Variants in ODAD2 observed in about 807,000 individuals in gnomAD.
The protein encoded by ODAD2 is outer dynein arm docking complex subunit 2.
ODAD2 carries 89 observed loss-of-function variants against 106.8 expected under a neutral mutation model. The observed-to-expected ratio is 0.83, with a 90% confidence interval of 0.70 to 0.99. ODAD2 has a LOEUF of 0.99. Ranked by LOEUF, ODAD2 falls within the 50% of genes least tolerant of loss-of-function variation. The pLI, the probability that ODAD2 is intolerant of heterozygous loss-of-function variation, is 0.00. For missense variants in ODAD2, 1,168 were observed against 1,238.5 expected (o/e 0.94, Z 0.85); for synonymous variants, 404 against 436.2 (o/e 0.93, Z 0.92).
intron 19 of ODAD2, among the ~76,000 whole-genome samples, chr10:27,842,948 A>G (rs1469883633): frequency 1.3e-5 from 2 of 152,200 alleles, no homozygotes; most frequent in African/African-American, 4.8e-5. Flanking sequence ...TAGCAGCACT[A>G]TTTTTAATAG....
chr10:27,960,343 T>G (rs1347562293), intron 10 of ODAD2, among the ~76,000 whole-genome samples: 2 of 147,100 alleles, frequency 1.4e-5, no homozygotes, highest in East Asian at 3.9e-4. Context: ...TTATTATTAT[T>G]ATTATTATTA....
intron 19 of ODAD2, among the ~76,000 whole-genome samples, chr10:27,822,906 T>A (rs1212661469): frequency 6.6e-6 from 1 of 152,216 alleles, no homozygotes; most frequent in Non-Finnish European, 1.5e-5. Context: ...CTTCCATGTT[T>A]CTTCACGAAC....
At chr10:27,820,577 CT>C (rs1232060740) in intron 19 of ODAD2, among the ~76,000 whole-genome samples, 22 of 151,990 alleles carry the variant, frequency 1.4e-4, no homozygotes, top group Admixed American at 9.8e-4. Context: ...AGCAGGTACC[CT>C]TTTTATGACT....
chr10:27,896,991 G>A (rs569884467), intron 17 of ODAD2, among the ~76,000 whole-genome samples: 1 of 152,098 alleles, frequency 6.6e-6, no homozygotes, highest in Admixed American at 6.5e-5. Flanking sequence ...AGTGGAAATG[G>A]CTACAACCAC....
chr10:27,845,051 G>A (rs1050130734), intron 19 of ODAD2, among the ~76,000 whole-genome samples: 2 of 152,170 alleles, frequency 1.3e-5, no homozygotes, highest in African/African-American at 4.8e-5. Flanking sequence ...TCAAATTCAG[G>A]AAATACAGAG....
chr10:27,904,150 G>T, intron 17 of ODAD2: 1 of 208,366 alleles, frequency 4.8e-6, no homozygotes, highest in Non-Finnish European at 1.0e-5. Flanking sequence ...TATCAGCTCT[G>T]TAAGCATAAA....
chr10:27,971,708 T>G (rs1166352274), intron 7 of ODAD2, among the ~76,000 whole-genome samples: 1 of 152,102 alleles, frequency 6.6e-6, no homozygotes, highest in Non-Finnish European at 1.5e-5. Context: ...CATAAGAATT[T>G]TAAAAGACTT....
rs761475632 is a variant in ODAD2 at position 27,935,261 on chromosome 10, A to G, written c.2253-9T>C. 23 of 1,612,842 alleles carry G rather than the reference A, an allele frequency of 1.4e-5. No homozygotes were observed. Among genetic ancestry groups the G allele is most frequent in the Non-Finnish European group, 2.0e-5 (23 of 1,179,190 alleles). On this transcript the variant is annotated splice_polypyrimidine_tract_variant and intron_variant, in intron 15 of 19. Transcript: ENST00000305242. ...CTTTGTATTCCCGAAACCTAAGTTC[A>G]TCATAAGAAAGAGGAGAATTGGTTT...
At position 27,924,002 on chromosome 10, in the gene ODAD2, GAAA is replaced by G. The variant is rs1564509115; in HGVS notation, c.2495+11005_2495+11007del. On this transcript the variant is annotated intron_variant, in intron 16 of 19. Transcript: ENST00000305242. ...AGAAAGAAAGAAAGAAAGAAAGAAA[GAAA>G]GAAAGAAAGAAAGAAAGAAGGAAAG... 7.0e-4 allele frequency among the ~76,000 whole-genome samples: 95 copies of G among 135,290 alleles called. 3 individuals are homozygous for G. Among genetic ancestry groups the G allele is most frequent in the African/African-American group, 1.8e-3 (65 of 35,666 alleles). The allele number at this position is 135,290 out of a possible 152,430, so 88.8% of individuals were successfully genotyped here. A position where few individuals can be genotyped will look rare whatever the true frequency, so the allele number is the denominator to read the frequency against.
chr10:27,893,568 G>A (rs12358283), intron 17 of ODAD2, among the ~76,000 whole-genome samples: 100,849 of 152,034 alleles, frequency 0.66, 33,773 homozygotes, highest in Middle Eastern at 0.74. Flanking sequence ...TTATTTCAAA[G>A]TGATGCCAAA....
chr10:27,856,027 AT>A (rs1839630477), intron 19 of ODAD2, among the ~76,000 whole-genome samples: 1 of 151,942 alleles, frequency 6.6e-6, no homozygotes, highest in African/African-American at 2.4e-5. Flanking sequence ...GCCTTGATGA[AT>A]TTTTTTCCTG....
rs1183661801 is a variant in ODAD2 at position 27,944,337 on chromosome 10, A to G, written c.1628T>C (p.Ile543Thr). ...TAGACTCTTGTGTGGAGAATCAAGT[A>G]TATTCACCATAATTGGTAAGCCCCC... ...DLGGLPIMVN[I>T]LDSPHKSLKC... Residue 543 changes from isoleucine (I) to threonine (T), a missense_variant, in exon 12 of 20, where the codon ATA (isoleucine) becomes ACA (threonine). By Grantham distance (89) the Ile-to-Thr change is moderately conservative (BLOSUM62 -1). Transcript: ENST00000305242. 3.1e-6 allele frequency: 5 copies of G among 1,613,692 alleles called. No homozygotes were observed. The South Asian group carries it at 5.5e-5, about 18-fold the overall frequency.
intron 19 of ODAD2, among the ~76,000 whole-genome samples, chr10:27,825,428 G>T (rs1346611333): frequency 6.6e-6 from 1 of 152,218 alleles, no homozygotes; most frequent in Non-Finnish European, 1.5e-5. Context: ...GATCTGGGAG[G>T]ATGGTAGCCT....
rs528589584 is a variant in ODAD2, at chr10:27,908,907, C to T, written c.2496-1130G>A. ...ATAAAAACTGTCTTAAAAAGGACTTCTAATAAGAAAAAATACACGTAAAAA... is the reference window on the plus strand; with the variant it reads ...ATAAAAACTGTCTTAAAAAGGACTTTTAATAAGAAAAAATACACGTAAAAA... On this transcript the variant is annotated intron_variant, in intron 16 of 19. Transcript: ENST00000305242. 7.2e-5 allele frequency among the ~76,000 whole-genome samples: 11 copies of T among 152,146 alleles called. No individual in the cohort carries two copies. The East Asian group carries it at 1.2e-3, about 16-fold the overall frequency.
chr10:27,849,925 G>T (rs1190797385), intron 19 of ODAD2, among the ~76,000 whole-genome samples: 14 of 152,178 alleles, frequency 9.2e-5, no homozygotes, highest in Non-Finnish European at 1.6e-4. Flanking sequence ...TGCTCTAATT[G>T]CAGTAGGTGA....
rs138537587 is a variant in ODAD2 at position 27,815,722 on chromosome 10, G to A, written c.3022-3097C>T. On this transcript the variant is annotated intron_variant, in intron 19 of 19. Transcript: ENST00000305242. ...AAACAAAAATTGTTAGAGTTCATCA[G>A]AACAAATTCCCCTTCTGTTTTCATT... 2.3e-4 allele frequency among the ~76,000 whole-genome samples: 35 copies of A among 152,198 alleles called. No individual in the cohort carries two copies. The East Asian group carries it at 5.8e-3, about 25-fold the overall frequency.
chr10:27,935,138 G>A lies in ODAD2; in HGVS notation c.2367C>T (p.Asn789=). The part of the protein sequence containing the change: ...ALGECCQERE[N]RVIVRKCGGI... Reference sequence around the variant, plus strand: ...CACCACATTTCCGGACAATGACTCGGTTTTCACGTTCTTGGCAGCATTCTC... The same window carrying A: ...CACCACATTTCCGGACAATGACTCGATTTTCACGTTCTTGGCAGCATTCTC... Residue 789 remains asparagine (N), a synonymous_variant, in exon 16 of 20, where the codon AAC becomes AAT. Transcript: ENST00000305242. The A allele has an allele frequency of 6.2e-7, 1 of 1,613,948 alleles. No homozygotes were observed. The highest frequency in any genetic ancestry group is 2.2e-5 in the East Asian group (1 of 44,866).
chr10:27,860,218 G>A (rs1469788448), intron 19 of ODAD2, among the ~76,000 whole-genome samples: 1 of 152,132 alleles, frequency 6.6e-6, no homozygotes, highest in Non-Finnish European at 1.5e-5. Context: ...TTGGGAGGCC[G>A]AAGCAGGAGG....
Position 27,831,549 on chromosome 10 carries a change from T to C in ODAD2, c.3022-18924A>G, listed in dbSNP as rs72631846. On this transcript the variant is annotated intron_variant, in intron 19 of 19. Coordinates refer to ENST00000305242, the MANE Select transcript of ODAD2 (RefSeq NM_018076.5). The stretch of plus-strand genomic sequence containing the variant: ...TTCCAATGTAGAGATGAGGAAACCA[T>C]GGCATAGAAAGATTAAGCAACTTGC... 0.017 allele frequency among the ~76,000 whole-genome samples: 2,593 copies of C among 152,332 alleles called. 148 individuals are homozygous for C. In the East Asian group the frequency reaches 0.19, roughly 11 times the overall value.
Sources: gnomAD v4.1 joint callset for allele counts (sites outside exome capture counted in the v4.1 genomes callset) on GRCh38, gnomAD v4.1.1 for gene constraint, MANE v1.5 for transcripts, NCBI Gene and HGNC (gene_info 2026-07-23, HGNC 2026-07-21) for gene names.